The following DLG2 variants were observed in gnomAD, a reference collection of about 807,000 sequenced individuals.
DLG2 encodes the protein disks large homolog 2.
Under a neutral mutation model 132.5 loss-of-function variants are expected in DLG2, and 45 were observed. That is an observed-to-expected ratio of 0.34 (90% CI 0.27 to 0.44). The LOEUF (loss-of-function observed/expected upper bound fraction) is 0.44. Ranked by LOEUF, DLG2 falls within the 20% of genes least tolerant of loss-of-function variation. The pLI, the probability that DLG2 is intolerant of heterozygous loss-of-function variation, is 1.00. For synonymous variants in DLG2, 424 were observed against 419.6 expected (o/e 1.01, Z -0.13); for missense variants, 1,045 against 1,196.9 (o/e 0.87, Z 1.87).
At chr11:85,540,908 C>T (rs899471485) in intron 3 of DLG2, among the ~76,000 whole-genome samples, 4 of 152,208 alleles carry the variant, frequency 2.6e-5, no homozygotes, top group African/African-American at 9.7e-5. Flanking sequence ...GAAAACTCCT[C>T]CCATTTCAAT....
At position 83,633,316 on chromosome 11, in the gene DLG2, C is replaced by T. The variant is rs373846277; in HGVS notation, c.1835G>A (p.Arg612Gln). 1.9e-6 allele frequency: 3 copies of T among 1,613,178 alleles called. No homozygotes were observed. Among genetic ancestry groups the T allele is most frequent in the East Asian group, 2.2e-5 (1 of 44,852 alleles). ...IAQYQPEDYARFEAKIHDLRE... is the reference protein window; with the variant it reads ...IAQYQPEDYAQFEAKIHDLRE... ...TAGGTCATGGATTTTGGCCTCAAAT[C>T]GAGCGTAATCTGGGAATGAAAACAA... is the stretch of plus-strand genomic sequence containing the variant. Residue 612 changes from arginine to glutamine, a missense_variant, in exon 19 of 28, where the codon CGA (arginine) becomes CAA (glutamine). By Grantham distance (43) the Arg-to-Gln change is conservative. Coordinates refer to ENST00000376104, the MANE Select transcript of DLG2 (RefSeq NM_001142699.3).
At chr11:85,162,606 A>G (rs1435203551) in intron 4 of DLG2, among the ~76,000 whole-genome samples, 2 of 152,136 alleles carry the variant, frequency 1.3e-5, no homozygotes, top group Middle Eastern at 3.2e-3. Flanking sequence ...TTTTTCCTTT[A>G]TTATGTGACA....
intron 5 of DLG2, among the ~76,000 whole-genome samples, chr11:85,147,961 T>G (rs1028894141): frequency 6.6e-6 from 1 of 152,018 alleles, no homozygotes; most frequent in Non-Finnish European, 1.5e-5. Flanking sequence ...TGTCCATGTG[T>G]TCTCATTGTA....
rs140794046 is a variant in DLG2, at chr11:84,902,642, A to G, written c.357+209019T>C. On this transcript the variant is annotated intron_variant, in intron 6 of 27. Transcript: ENST00000376104. The stretch of plus-strand genomic sequence containing the variant: ...ACCTGTGATTTCAACTGCCACTTAC[A>G]TAGTGATGATGGCCAGATGTCTATT... 2.0e-5 allele frequency among the ~76,000 whole-genome samples: 3 copies of G among 152,242 alleles called. No homozygotes were observed. In the East Asian group the frequency reaches 5.8e-4, roughly 29 times the overall value.
At chr11:85,237,673 C>G (rs892101807) in intron 4 of DLG2, among the ~76,000 whole-genome samples, 3 of 152,022 alleles carry the variant, frequency 2.0e-5, no homozygotes, top group Non-Finnish European at 2.9e-5. Flanking sequence ...CATTATACCC[C>G]CTCCTGTCTG....
intron 4 of DLG2, among the ~76,000 whole-genome samples, chr11:85,235,682 A>G (rs2075549817): frequency 6.6e-6 from 1 of 151,958 alleles, no homozygotes; most frequent in Non-Finnish European, 1.5e-5. Context: ...AAGTAAGTTG[A>G]CATAAGTATT....
rs35932645 is a variant in DLG2, at chr11:83,633,743, A to AACACACACACACACAC, written c.1826-434_1826-419dup. On this transcript the variant is annotated intron_variant, in intron 18 of 27. Transcript: ENST00000376104. ...CGTGTGATAAAATTACACAGAACTA[A>AACACACACACACACAC]ACACACACACACACACACACACACA... Among the ~76,000 whole-genome samples, 69 of 143,296 alleles carry AACACACACACACACAC rather than the reference A, an allele frequency of 4.8e-4. 1 individual carries two copies. Among genetic ancestry groups the AACACACACACACACAC allele is most frequent in the East Asian group, 1.1e-3 (5 of 4,700 alleles). The allele number at this position is 143,296 out of a possible 152,430, so 94.0% of individuals were successfully genotyped here.
intron 6 of DLG2, among the ~76,000 whole-genome samples, chr11:84,785,191 G>A (rs967281179): frequency 6.6e-6 from 1 of 151,858 alleles, no homozygotes; most frequent in South Asian, 2.1e-4. Context: ...TAATCTACAG[G>A]ATCTCCTCAT....
At chr11:84,028,737 G>C (rs2095609651) in intron 11 of DLG2, among the ~76,000 whole-genome samples, 1 of 151,918 alleles carries the variant, frequency 6.6e-6, no homozygotes, top group South Asian at 2.1e-4. Flanking sequence ...CTTGTCCCTG[G>C]AAAATCTCCA....
At chr11:85,116,931 G>GA (rs774266577) in intron 5 of DLG2, among the ~76,000 whole-genome samples, 23 of 152,010 alleles carry the variant, frequency 1.5e-4, no homozygotes, top group Non-Finnish European at 7.4e-5. Context: ...ATTAGCAAAA[G>GA]AAACTTCAAT....
At chr11:85,511,467 T>A (rs1257013202) in intron 3 of DLG2, among the ~76,000 whole-genome samples, 1 of 152,022 alleles carries the variant, frequency 6.6e-6, no homozygotes, top group Non-Finnish European at 1.5e-5. Context: ...CAATGGCATC[T>A]CTCTTAGAAC....
chr11:85,527,275 C>G (rs746469214), intron 3 of DLG2, among the ~76,000 whole-genome samples: 3 of 151,604 alleles, frequency 2.0e-5, no homozygotes, highest in Non-Finnish European at 2.9e-5. Flanking sequence ...GTTTGCTGCA[C>G]CTATCGACCC....
intron 9 of DLG2, among the ~76,000 whole-genome samples, chr11:84,101,451 C>T (rs183899270): frequency 2.0e-5 from 3 of 152,180 alleles, no homozygotes; most frequent in Admixed American, 6.6e-5. Context: ...TTGAGCATTT[C>T]GTATGCAACT....
chr11:83,717,493 C>CAACTATT (rs1428538966), intron 18 of DLG2, among the ~76,000 whole-genome samples: 1 of 152,020 alleles, frequency 6.6e-6, no homozygotes, highest in Non-Finnish European at 1.5e-5. Context: ...TCACATAGTC[C>CAACTATT]AGTAGTAATA....
Position 83,572,445 on chromosome 11 carries a change from A to ACAAGAC in DLG2, c.1941-30593_1941-30588dup, listed in dbSNP as rs536623424. ...TGACAGAAAATCACAAAGCTAGAAA[A>ACAAGAC]CAAGACCAAATATCTTACCTTTCGA... On this transcript the variant is annotated intron_variant, in intron 19 of 27. Coordinates refer to ENST00000376104, the MANE Select transcript of DLG2 (RefSeq NM_001142699.3). 5.8e-3 allele frequency among the ~76,000 whole-genome samples: 876 copies of ACAAGAC among 152,310 alleles called. 4 individuals carry two copies. Among genetic ancestry groups the ACAAGAC allele is most frequent in the Middle Eastern group, 0.024 (7 of 294 alleles).
At chr11:83,735,295 G>A (rs1042249185) in intron 18 of DLG2, among the ~76,000 whole-genome samples, 2 of 152,094 alleles carry the variant, frequency 1.3e-5, no homozygotes, top group Non-Finnish European at 2.9e-5. Flanking sequence ...TTAAATTAGT[G>A]TTTTAGTAAA....
chr11:84,271,103 G>C (rs1038951965), intron 7 of DLG2, among the ~76,000 whole-genome samples: 2 of 152,130 alleles, frequency 1.3e-5, no homozygotes, highest in Non-Finnish European at 2.9e-5. Flanking sequence ...TTGAGGGTCA[G>C]TTTATAAAGA....
chr11:85,530,724 T>C (rs2075147029), intron 3 of DLG2, among the ~76,000 whole-genome samples: 1 of 152,226 alleles, frequency 6.6e-6, no homozygotes, highest in Admixed American at 6.5e-5. Flanking sequence ...AGGTTTGCTT[T>C]GGTTCTGCTT....
At chr11:85,546,620 G>T (rs950523470) in intron 3 of DLG2, among the ~76,000 whole-genome samples, 3 of 152,096 alleles carry the variant, frequency 2.0e-5, no homozygotes, top group African/African-American at 7.2e-5. Context: ...TATTGTGTGG[G>T]AGTCTAAATC....
Sources: gnomAD v4.1 joint callset for allele counts (sites outside exome capture counted in the v4.1 genomes callset) on GRCh38, gnomAD v4.1.1 for gene constraint, MANE v1.5 for transcripts, NCBI Gene and HGNC (gene_info 2026-07-23, HGNC 2026-07-21) for gene names.